Variants in RANBP2 observed in about 807,000 individuals in gnomAD.
The protein encoded by RANBP2 is RAN binding protein 2, also known as E3 SUMO-protein ligase RanBP2.
RANBP2 carries 57 observed loss-of-function variants against 303.6 expected under a neutral mutation model. The observed-to-expected ratio is 0.19, with a 90% CI of 0.15 to 0.23. RANBP2 has a LOEUF of 0.23. Among genes scored for constraint, RANBP2 ranks in the 10% least tolerant of loss-of-function variants. The pLI, the probability that RANBP2 is intolerant of heterozygous loss-of-function variation, is 1.00. For missense variants in RANBP2, 3,138 were observed against 3,780.8 expected (o/e 0.83, Z 4.46); for synonymous variants, 1,167 against 1,301.5 (o/e 0.90, Z 2.23).
chr2:109,041,525 A>ATTTTT, the RANBP2 span, among the ~76,000 whole-genome samples: 2 of 142,024 alleles, frequency 1.4e-5, no homozygotes, highest in African/African-American at 5.2e-5. Flanking sequence ...ACGGATGTTA[A>ATTTTT]TTTTTTTTTT....
the RANBP2 span, among the ~76,000 whole-genome samples, chr2:109,393,256 A>T: frequency 6.6e-6 from 1 of 152,204 alleles, no homozygotes; most frequent in African/African-American, 2.4e-5. Flanking sequence ...TCTCTGGAAC[A>T]TGTGAGTCTG....
At chr2:109,449,152 C>G in the RANBP2 span, 2 of 1,610,684 alleles carry the variant, frequency 1.2e-6, no homozygotes, top group Non-Finnish European at 1.7e-6. Context: ...CCTGCTGTCT[C>G]TCCAACCCCG....
At chr2:109,053,610 G>A in the RANBP2 span, among the ~76,000 whole-genome samples, 1 of 152,182 alleles carries the variant, frequency 6.6e-6, no homozygotes, top group Admixed American at 6.5e-5. Context: ...TGAGTCCTAG[G>A]CTTTGTTGTC....
the RANBP2 span, among the ~76,000 whole-genome samples, chr2:109,028,232 C>T: frequency 6.6e-6 from 1 of 152,244 alleles, no homozygotes; most frequent in Admixed American, 6.5e-5. Flanking sequence ...GATCATGCCA[C>T]TGCACTCCAC....
At chr2:108,863,022 C>T in the RANBP2 span, among the ~76,000 whole-genome samples, 2 of 152,214 alleles carry the variant, frequency 1.3e-5, no homozygotes, top group African/African-American at 2.4e-5. Flanking sequence ...TTGTTCTACA[C>T]ATCTAGAACT....
downstream of RANBP2, among the ~76,000 whole-genome samples, chr2:108,786,252 CTTTTT>C (rs5833304): frequency 6.5e-3 from 883 of 136,078 alleles, 4 homozygotes; most frequent in Non-Finnish European, 0.01. Context: ...TCAGCTTTCC[CTTTTT>C]TTTTTTTTTT....
the RANBP2 span, among the ~76,000 whole-genome samples, chr2:109,057,142 T>G: frequency 6.6e-6 from 1 of 152,346 alleles, no homozygotes; most frequent in Non-Finnish European, 1.5e-5. Flanking sequence ...TGTTCATTTC[T>G]GATCCTACAA....
At chr2:109,273,679 G>A in the RANBP2 span, among the ~76,000 whole-genome samples, 1 of 152,188 alleles carries the variant, frequency 6.6e-6, no homozygotes, top group East Asian at 1.9e-4. Context: ...TGCTGATGGG[G>A]ACACACGTTG....
chr2:109,255,371 C>T, the RANBP2 span, among the ~76,000 whole-genome samples: 7 of 152,122 alleles, frequency 4.6e-5, no homozygotes, highest in Non-Finnish European at 7.4e-5. Context: ...GTGCTTTATT[C>T]GGTTAACTTT....
At chr2:109,419,579 C>T in the RANBP2 span, 1 of 1,598,744 alleles carries the variant, frequency 6.3e-7, no homozygotes, top group Non-Finnish European at 8.5e-7. Context: ...ACGGCTGTCC[C>T]ACGGGCTGCC....
At chr2:108,854,898 G>A in the RANBP2 span, among the ~76,000 whole-genome samples, 2 of 152,096 alleles carry the variant, frequency 1.3e-5, no homozygotes, top group African/African-American at 4.8e-5. Flanking sequence ...GGCAGTTTCT[G>A]CAAAAGACTT....
chr2:109,488,462 A>T, the RANBP2 span, among the ~76,000 whole-genome samples: 9 of 152,098 alleles, frequency 5.9e-5, no homozygotes, highest in Non-Finnish European at 1.3e-4. Context: ...TGGCCTGCGG[A>T]GGGGCTGACG....
At chr2:108,808,028 GT>G in the RANBP2 span, among the ~76,000 whole-genome samples, 1 of 152,102 alleles carries the variant, frequency 6.6e-6, no homozygotes, top group Admixed American at 6.6e-5. Flanking sequence ...AGATCAACTT[GT>G]TTTTTAGCTT....
chr2:109,691,361 G>A, the RANBP2 span, among the ~76,000 whole-genome samples: 1 of 152,126 alleles, frequency 6.6e-6, no homozygotes, highest in Non-Finnish European at 1.5e-5. Context: ...GCCACAGGTC[G>A]GTGATCAATC....
chr2:109,031,699 C>T, the RANBP2 span, among the ~76,000 whole-genome samples: 1 of 152,184 alleles, frequency 6.6e-6, no homozygotes, highest in Non-Finnish European at 1.5e-5. Context: ...GTGGGCCGGG[C>T]TCTGCCGGTG....
the RANBP2 span, among the ~76,000 whole-genome samples, chr2:109,107,042 A>G: frequency 6.7e-6 from 1 of 148,768 alleles, no homozygotes; most frequent in African/African-American, 2.5e-5. Flanking sequence ...GGTTCAAGCG[A>G]TTCTTCTGCA....
At chr2:109,609,531 G>A in the RANBP2 span, among the ~76,000 whole-genome samples, 258 of 151,310 alleles carry the variant, frequency 1.7e-3, 1 homozygote, top group Non-Finnish European at 2.2e-3. Flanking sequence ...AAGCTTCAGA[G>A]GAAGCAGCAT....
chr2:109,468,346 G>A, the RANBP2 span, among the ~76,000 whole-genome samples: 1 of 152,194 alleles, frequency 6.6e-6, no homozygotes, highest in Admixed American at 6.5e-5. Flanking sequence ...GCGTTGCACT[G>A]TGATGTTATG....
At chr2:108,976,487 C>T in the RANBP2 span, among the ~76,000 whole-genome samples, 1 of 152,134 alleles carries the variant, frequency 6.6e-6, no homozygotes, top group African/African-American at 2.4e-5. Context: ...CCTTCCGGTG[C>T]TCCTTGGAAG....
Sources: gnomAD v4.1 joint callset for allele counts (sites outside exome capture counted in the v4.1 genomes callset) on GRCh38, gnomAD v4.1.1 for gene constraint, MANE v1.5 for transcripts, NCBI Gene and HGNC (gene_info 2026-07-23, HGNC 2026-07-21) for gene names.